Variants in DMXL2 observed in about 807,000 individuals in gnomAD.
The protein encoded by DMXL2 is Dmx like 2.
A neutral mutation model predicts 331.1 loss-of-function variants in DMXL2; 103 were observed. The ratio of observed to expected loss-of-function variants is 0.31; its 90% CI spans 0.27 to 0.37. DMXL2 has a LOEUF of 0.37. Among genes scored for constraint, DMXL2 ranks in the 10% least tolerant of loss-of-function variants. The pLI is 1.00. For missense variants in DMXL2, 3,171 were observed against 3,642.9 expected (o/e 0.87, Z 3.33); for synonymous variants, 1,281 against 1,252.1 (o/e 1.02, Z -0.49).
intron 33 of DMXL2, among the ~76,000 whole-genome samples, chr15:51,461,293 G>A (rs1188928170): frequency 6.6e-6 from 1 of 152,088 alleles, no homozygotes; most frequent in Non-Finnish European, 1.5e-5. Flanking sequence ...CGGAGAGGGG[G>A]AGAATTAGTT....
At chr15:51,505,287 C>T (rs2043979144) in intron 16 of DMXL2, among the ~76,000 whole-genome samples, 1 of 152,328 alleles carries the variant, frequency 6.6e-6, no homozygotes, top group Admixed American at 6.5e-5. Context: ...TTTGCCTCTA[C>T]TGTAATCTCA....
chr15:51,553,831 C>A (rs1431691248), intron 6 of DMXL2, among the ~76,000 whole-genome samples: 2 of 148,202 alleles, frequency 1.3e-5, no homozygotes, highest in African/African-American at 5.0e-5. Flanking sequence ...CTATAACATA[C>A]AAAATGTGTT....
chr15:51,500,125 G>A lies in DMXL2; in HGVS notation c.3099C>T (p.Ala1033=), dbSNP rs2043480405. 6.2e-7 allele frequency: 1 copy of A among 1,613,970 alleles called. No homozygotes were observed. The highest frequency in any genetic ancestry group is 1.3e-5 in the African/African-American group (1 of 74,892). Residue 1033 remains alanine (A), a synonymous_variant, in exon 18 of 44, where the codon GCC becomes GCT. Coordinates refer to ENST00000560891, the MANE Select transcript of DMXL2 (RefSeq NM_001378457.1). ...CATCACTTTTATTACACTCTGGGTTGGCTTCCATACAACATTTCCAGAAGC... is the reference window on the plus strand; with the variant it reads ...CATCACTTTTATTACACTCTGGGTTAGCTTCCATACAACATTTCCAGAAGC... ...KVRFWKCCME[A]NPECNKSDEK...
At chr15:51,464,899 ATTTAT>A in intron 31 of DMXL2, 23 bp from the exon 32 acceptor site, 1 of 1,550,546 alleles carries the variant, frequency 6.4e-7, no homozygotes, top group Non-Finnish European at 8.8e-7. Flanking sequence ...AGAATATGTT[ATTTAT>A]TTTAATAAAA....
chr15:51,488,206 A>G, intron 21 of DMXL2, 87 bp from the exon 22 acceptor site: 1 of 1,214,912 alleles, frequency 8.2e-7, no homozygotes, highest in Non-Finnish European at 1.1e-6. Flanking sequence ...AAAACCTCAA[A>G]CAGAAATCTA....
intron 13 of DMXL2, among the ~76,000 whole-genome samples, chr15:51,521,464 G>GTAGTAGTA (rs1567063016): frequency 3.9e-5 from 2 of 51,276 alleles, no homozygotes; most frequent in African/African-American, 1.2e-4. Flanking sequence ...TAGTAGTAGT[G>GTAGTAGTA]GTAGTGGTAG....
At chr15:51,609,151 A>G (rs2053788657) in intron 1 of DMXL2, among the ~76,000 whole-genome samples, 1 of 152,226 alleles carries the variant, frequency 6.6e-6, no homozygotes, top group African/African-American at 2.4e-5. Context: ...TAGAAACAGA[A>G]TATGGAGTCT....
intron 19 of DMXL2, 89 bp from the exon 20 acceptor site, chr15:51,491,836 T>C: frequency 1.8e-6 from 2 of 1,120,642 alleles, no homozygotes; most frequent in Non-Finnish European, 2.5e-6. Context: ...CGCATTCATT[T>C]TGGAAAGAAT....
At chr15:51,564,653 A>G (rs2050161164) in intron 4 of DMXL2, among the ~76,000 whole-genome samples, 1 of 152,172 alleles carries the variant, frequency 6.6e-6, no homozygotes, top group East Asian at 1.9e-4. Flanking sequence ...TGAAATATAA[A>G]AAGAATCCTT....
At chr15:51,586,437 A>T (rs1052312537) in intron 1 of DMXL2, among the ~76,000 whole-genome samples, 1 of 152,194 alleles carries the variant, frequency 6.6e-6, no homozygotes, top group African/African-American at 2.4e-5. Context: ...AAAACGTTCT[A>T]AGCGTTTATG....
At chr15:51,530,157 C>T (rs753917397) in intron 13 of DMXL2, among the ~76,000 whole-genome samples, 4 of 152,108 alleles carry the variant, frequency 2.6e-5, no homozygotes, top group Non-Finnish European at 5.9e-5. Context: ...AGCCTTTCCT[C>T]TAAGATCTAG....
chr15:51,583,106 CTTTTTTTTTTTTTTCTTTTT>C (rs2051566493), intron 1 of DMXL2, among the ~76,000 whole-genome samples: 1 of 87,180 alleles, frequency 1.1e-5, no homozygotes, highest in South Asian at 3.4e-4. Flanking sequence ...CTTCATTCTT[CTTTTTTTTTTTTTTCTTTTT>C]TTTTTTTTTT....
intron 27 of DMXL2, 83 bp from the exon 28 acceptor site, chr15:51,474,675 A>G: frequency 1.4e-6 from 2 of 1,390,214 alleles, no homozygotes; most frequent in Non-Finnish European, 1.9e-6. Context: ...AACTTATCCA[A>G]AATTATGCAT....
intron 1 of DMXL2, among the ~76,000 whole-genome samples, chr15:51,576,937 A>T (rs2051090292): frequency 6.6e-6 from 1 of 152,218 alleles, no homozygotes; most frequent in African/African-American, 2.4e-5. Flanking sequence ...AATTGTTGGG[A>T]AAATTCCCAT....
chr15:51,620,506 T>A (rs561982602), intron 1 of DMXL2, among the ~76,000 whole-genome samples: 1 of 152,308 alleles, frequency 6.6e-6, no homozygotes, highest in East Asian at 1.9e-4. Context: ...AGATGGAGAA[T>A]ACTTGACAAG....
rs879354023 is a variant in DMXL2, at chr15:51,536,229, A to G, written c.2251T>C (p.Leu751=). 3.7e-5 allele frequency: 60 copies of G among 1,613,408 alleles called. No homozygotes were observed. The Admixed American group carries it at 6.8e-4, about 18-fold the overall frequency. ...ACATTAGAGAACGCTGAGGTATGTA[A>G]AGAGTTAATTCGAGCCAATTCTGAT... The part of the protein sequence containing the change: ...GVSELARINS[L]HTSAFSNVAW... Residue 751 remains leucine (L), a synonymous_variant, in exon 12 of 44, where the codon TTA becomes CTA. Coordinates refer to ENST00000560891, the MANE Select transcript of DMXL2 (RefSeq NM_001378457.1).
At chr15:51,609,852 C>T (rs921620918) in intron 1 of DMXL2, among the ~76,000 whole-genome samples, 10 of 151,870 alleles carry the variant, frequency 6.6e-5, no homozygotes, top group Non-Finnish European at 7.4e-5. Context: ...TCACTTAAAC[C>T]CGGGAGAACG....
At chr15:51,454,881 A>T (rs1008902673) in intron 40 of DMXL2, among the ~76,000 whole-genome samples, 3 of 152,176 alleles carry the variant, frequency 2.0e-5, no homozygotes, top group Non-Finnish European at 4.4e-5. Context: ...ATAATAATGA[A>T]AAAAAACCCA....
chr15:51,579,323 T>C (rs1013324308), intron 1 of DMXL2, among the ~76,000 whole-genome samples: 6 of 152,162 alleles, frequency 3.9e-5, no homozygotes, highest in Non-Finnish European at 7.4e-5. Context: ...CTTGAAAAAG[T>C]GCACAGGGGC....
Sources: gnomAD v4.1 joint callset for allele counts (sites outside exome capture counted in the v4.1 genomes callset) on GRCh38, gnomAD v4.1.1 for gene constraint, MANE v1.5 for transcripts, NCBI Gene and HGNC (gene_info 2026-07-23, HGNC 2026-07-21) for gene names.